The following LAMA2 variants were observed in gnomAD, a reference collection of about 807,000 sequenced individuals.
LAMA2 encodes laminin subunit alpha 2.
A neutral mutation model predicts 364.8 loss-of-function variants in LAMA2; 269 were observed. That is an observed-to-expected ratio of 0.74 (90% confidence interval 0.67 to 0.82). The LOEUF is 0.82. LAMA2 is among the 40% of genes least tolerant of loss of function. The pLI, the probability that LAMA2 is intolerant of heterozygous loss-of-function variation, is 0.00. For synonymous variants in LAMA2, 1,379 were observed against 1,370.6 expected (o/e 1.01, Z -0.14); for missense variants, 3,807 against 3,873.2 (o/e 0.98, Z 0.45).
Position 129,447,489 on chromosome 6 carries a change from A to C in LAMA2, c.6429+1668A>C, listed in dbSNP as rs141228174. ...TAGGAAAAAGAAGTCCAGTTTGCCC[A>C]GAGTAATTGATAAAGGAAACACATA... On this transcript the variant is annotated intron_variant, in intron 45 of 64. Coordinates refer to ENST00000421865, the MANE Select transcript of LAMA2 (RefSeq NM_000426.4). Among the ~76,000 whole-genome samples, 7 of 152,372 alleles carry C rather than the reference A, an allele frequency of 4.6e-5. No homozygotes were observed. In the East Asian group the frequency reaches 1.3e-3, roughly 29 times the overall value.
chr6:128,984,692 C>T (rs571427871), intron 1 of LAMA2, among the ~76,000 whole-genome samples: 2 of 149,746 alleles, frequency 1.3e-5, no homozygotes, highest in African/African-American at 4.9e-5. Flanking sequence ...AGAGATTTCT[C>T]ACTAGTCTTA....
In LAMA2 at chr6:129,481,397, G is replaced by A. The variant is rs1200421531; in HGVS notation, c.7707G>A (p.Gly2569=). The A allele has an allele frequency of 6.2e-7, 1 of 1,613,934 alleles. No homozygotes were observed. ...ESGIILLGSG[G]TPAPPRRKRR... ...GCATCATTCTTTTGGGAAGTGGAGG[G>A]ACACCAGCACCACCTAGGAGAAAAC... The change falls in exon 55 of 65, where the codon GGG becomes GGA. Residue 2569 remains glycine (G), a synonymous_variant. Coordinates refer to ENST00000421865, the MANE Select transcript of LAMA2 (RefSeq NM_000426.4).
At chr6:129,481,203 G>A (rs1363484874) in intron 54 of LAMA2, 60 bp from the exon 55 acceptor site, 6 of 1,336,498 alleles carry the variant, frequency 4.5e-6, no homozygotes, top group African/African-American at 1.4e-5. Flanking sequence ...GAGTGAGATG[G>A]AGAACTTATT....
chr6:129,078,934 T>A (rs1431657832), intron 3 of LAMA2, among the ~76,000 whole-genome samples: 2 of 152,218 alleles, frequency 1.3e-5, no homozygotes, highest in African/African-American at 4.8e-5. Context: ...CAACATAGTG[T>A]CTTCGAGATT....
At chr6:129,224,139 C>G (rs921881835) in intron 12 of LAMA2, among the ~76,000 whole-genome samples, 5 of 152,070 alleles carry the variant, frequency 3.3e-5, no homozygotes, top group African/African-American at 4.8e-5. Flanking sequence ...TGATTTGGCT[C>G]TCTGATTGTC....
At chr6:129,281,936 T>G (rs1018191837) in intron 18 of LAMA2, among the ~76,000 whole-genome samples, 2 of 152,148 alleles carry the variant, frequency 1.3e-5, no homozygotes, top group African/African-American at 4.8e-5. Flanking sequence ...ATCTAAAATA[T>G]GAGGGAAACA....
chr6:129,204,449 G>A lies in LAMA2; in HGVS notation c.1782+11596G>A, dbSNP rs373951037. ...TTAAAATAATATCCTTAAGGTGGGC[G>A]CTAACGCAATATGACTGGTATCCTT... On this transcript the variant is annotated intron_variant, in intron 12 of 64. Transcript: ENST00000421865. Among the ~76,000 whole-genome samples, 12 of 150,726 alleles carry A rather than the reference G, an allele frequency of 8.0e-5. No individual in the cohort carries two copies. The South Asian group carries it at 1.9e-3, about 24-fold the overall frequency.
intron 29 of LAMA2, among the ~76,000 whole-genome samples, chr6:129,329,602 T>A (rs1291208914): frequency 6.6e-6 from 1 of 152,132 alleles, no homozygotes; most frequent in African/African-American, 2.4e-5. Context: ...CCTCAGGTAA[T>A]CCACCCACCT....
chr6:129,173,590 A>G (rs1429104743), intron 9 of LAMA2, among the ~76,000 whole-genome samples: 2 of 152,204 alleles, frequency 1.3e-5, no homozygotes, highest in Non-Finnish European at 2.9e-5. Flanking sequence ...TAATGCTTAT[A>G]ATTCAAAAAT....
chr6:129,401,361 A>G, intron 38 of LAMA2, 21 bp downstream of exon 38: 2 of 1,390,078 alleles, frequency 1.4e-6, no homozygotes, highest in East Asian at 4.6e-5. Context: ...GGTAAAACTC[A>G]AAAGAGAGAT....
At chr6:129,460,402 TATC>T in intron 49 of LAMA2, 78 bp downstream of exon 49, 3 of 1,392,370 alleles carry the variant, frequency 2.2e-6, no homozygotes, top group South Asian at 2.3e-5. Context: ...AATATTCTAT[TATC>T]ATGTGGATGA....
chr6:128,905,527 G>T (rs1334367540), intron 1 of LAMA2: 3 of 152,076 alleles, frequency 2.0e-5, no homozygotes, highest in African/African-American at 7.2e-5. Context: ...TGGACAGGAA[G>T]ATATTTAGAG....
chr6:129,317,806 G>T (rs1209609361), intron 27 of LAMA2, among the ~76,000 whole-genome samples: 3 of 151,994 alleles, frequency 2.0e-5, no homozygotes, highest in Non-Finnish European at 4.4e-5. Context: ...CTTGTTAGTG[G>T]AACTGATAGA....
chr6:129,252,373 T>A (rs747232495), intron 14 of LAMA2, 78 bp downstream of exon 14: 3 of 1,040,552 alleles, frequency 2.9e-6, no homozygotes, highest in Admixed American at 3.5e-5. Context: ...CAGGAGTGAA[T>A]TTTTTAAGGC....
intron 49 of LAMA2, among the ~76,000 whole-genome samples, 170 bp from the exon 50 acceptor site, chr6:129,464,120 A>C (rs1783410112): frequency 6.6e-6 from 1 of 151,946 alleles, no homozygotes; most frequent in Non-Finnish European, 1.5e-5. Context: ...GTTTTTACTT[A>C]TTCTAGCACG....
chr6:128,970,772 C>T (rs1782142086), intron 1 of LAMA2, among the ~76,000 whole-genome samples: 1 of 152,134 alleles, frequency 6.6e-6, no homozygotes, highest in Admixed American at 6.6e-5. Flanking sequence ...TCGATCATTG[C>T]CCATTGGTTA....
At chr6:128,938,245 A>AGT (rs1365975299) in intron 1 of LAMA2, among the ~76,000 whole-genome samples, 1 of 152,142 alleles carries the variant, frequency 6.6e-6, no homozygotes, top group Non-Finnish European at 1.5e-5. Flanking sequence ...TAATAATGAG[A>AGT]GTATCTACCT....
intron 12 of LAMA2, among the ~76,000 whole-genome samples, chr6:129,212,242 G>A (rs542461624): frequency 2.6e-5 from 4 of 152,250 alleles, no homozygotes; most frequent in South Asian, 2.1e-4. Flanking sequence ...GTGCTCTGTG[G>A]ATCAGGAGGA....
chr6:129,014,840 T>G (rs1784977457), intron 1 of LAMA2, among the ~76,000 whole-genome samples: 1 of 151,706 alleles, frequency 6.6e-6, no homozygotes, highest in African/African-American at 2.4e-5. Context: ...TCTAATAGAG[T>G]GGATAACATG....
Sources: allele counts gnomAD v4.1 joint callset (sites outside exome capture counted in the v4.1 genomes callset), GRCh38; gene constraint gnomAD v4.1.1; transcripts MANE v1.5; gene names NCBI Gene and HGNC (gene_info 2026-07-23, HGNC 2026-07-21).